ZNF385B: variants seen among roughly 807,000 people sequenced by gnomAD.
ZNF385B encodes zinc finger protein 385B.
A neutral mutation model predicts 39.2 loss-of-function variants in ZNF385B; 23 were observed. The ratio of observed to expected loss-of-function variants is 0.59; its 90% confidence interval spans 0.42 to 0.83. The LOEUF (loss-of-function observed/expected upper bound fraction) is 0.83, where lower values mean the gene tolerates loss of function less well. Ranked by LOEUF, ZNF385B falls within the 40% of genes least tolerant of loss-of-function variation. The probability of loss-of-function intolerance (pLI) is 0.00; values close to 1 mark genes in which losing one functional copy is unlikely to be tolerated. For missense variants in ZNF385B, 552 were observed against 598.9 expected, an observed-to-expected ratio of 0.92 and a Z score of 0.82; for synonymous variants, 205 against 222.6, an observed-to-expected ratio of 0.92 and a Z score of 0.70.
intron 3 of ZNF385B, among the ~76,000 whole-genome samples, chr2:179,743,958 T>C (rs550444566): frequency 5.3e-5 from 8 of 152,250 alleles, no homozygotes; most frequent in Admixed American, 2.6e-4. Flanking sequence ...AAATCGCTTA[T>C]ATCAAATATA....
At chr2:179,576,809 C>T (rs1419305601) in intron 3 of ZNF385B, among the ~76,000 whole-genome samples, 1 of 152,186 alleles carries the variant, frequency 6.6e-6, no homozygotes, top group Non-Finnish European at 1.5e-5. Context: ...GATCTCAGCT[C>T]TAAGCCATAT....
intron 6 of ZNF385B, among the ~76,000 whole-genome samples, chr2:179,482,943 T>G (rs1386932081): frequency 1.3e-5 from 2 of 151,788 alleles, no homozygotes; most frequent in African/African-American, 4.8e-5. Context: ...AGTAATAAGC[T>G]CAGTATTTTA....
intron 6 of ZNF385B, among the ~76,000 whole-genome samples, chr2:179,448,165 T>C (rs929547531): frequency 6.6e-6 from 1 of 152,052 alleles, no homozygotes; most frequent in Non-Finnish European, 1.5e-5. Flanking sequence ...ACAAAAAATA[T>C]GATGGAAAAG....
chr2:179,685,406 T>C (rs115829664), intron 3 of ZNF385B, among the ~76,000 whole-genome samples: 6,278 of 152,302 alleles, frequency 0.041, 179 homozygotes, highest in Middle Eastern at 0.058. Flanking sequence ...ACTGATTCCA[T>C]AGTTAACAAT....
intron 5 of ZNF385B, among the ~76,000 whole-genome samples, chr2:179,508,116 T>G (rs1430302597): frequency 1.3e-5 from 2 of 152,228 alleles, no homozygotes. Flanking sequence ...GCTTCACTTT[T>G]GTTTTTGTCT....
rs547580544 is a variant in ZNF385B at position 179,807,760 on chromosome 2, T to C, written c.-154-37088A>G. On this transcript the variant is annotated intron_variant, in intron 1 of 9. Coordinates refer to ENST00000410066, the MANE Select transcript of ZNF385B (RefSeq NM_152520.6). ...AATACAAAAAATTAGCTGGGCGTGG[T>C]GGCAGGCGCCTGTAGTCCCAGCTAC... 2.0e-4 allele frequency among the ~76,000 whole-genome samples: 31 copies of C among 151,604 alleles called. No individual in the cohort carries two copies. In the East Asian group the frequency reaches 5.6e-3, roughly 28 times the overall value.
At chr2:179,839,602 A>G (rs115900544) in intron 1 of ZNF385B, among the ~76,000 whole-genome samples, 1,646 of 152,286 alleles carry the variant, frequency 0.011, 32 homozygotes, top group African/African-American at 0.038. Context: ...GGCCACCTAT[A>G]TAAGTTAGGG....
At chr2:179,699,520 C>A (rs1176627732) in intron 3 of ZNF385B, among the ~76,000 whole-genome samples, 1 of 152,308 alleles carries the variant, frequency 6.6e-6, no homozygotes, top group Non-Finnish European at 1.5e-5. Flanking sequence ...TTTCACTACA[C>A]AATTATTAAA....
chr2:179,727,517 C>A (rs1290587786), intron 3 of ZNF385B, among the ~76,000 whole-genome samples: 1 of 152,040 alleles, frequency 6.6e-6, no homozygotes, highest in Non-Finnish European at 1.5e-5. Context: ...AAGGAGTAAT[C>A]ATGGGAAACA....
chr2:179,592,974 CT>C (rs71872758), intron 3 of ZNF385B, among the ~76,000 whole-genome samples: 1,765 of 152,172 alleles, frequency 0.012, 40 homozygotes, highest in African/African-American at 0.039. Flanking sequence ...AAAACCTAAA[CT>C]TTTGCAGTGA....
chr2:179,483,841 A>C (rs2054275309), intron 5 of ZNF385B, among the ~76,000 whole-genome samples: 1 of 152,040 alleles, frequency 6.6e-6, no homozygotes, highest in Admixed American at 6.6e-5. Flanking sequence ...CCTTCAACTA[A>C]AATCCTGTTT....
chr2:179,518,620 C>A lies in ZNF385B; in HGVS notation c.460G>T (p.Ala154Ser). 1 of 1,596,360 alleles carries A rather than the reference C, an allele frequency of 6.3e-7. No individual in the cohort carries two copies. The highest frequency in any genetic ancestry group is 8.5e-7 in the Non-Finnish European group (1 of 1,173,946). Residue 154 changes from alanine to serine, a missense_variant, in exon 5 of 10, where the codon GCG becomes TCG. Coordinates refer to ENST00000410066, the MANE Select transcript of ZNF385B (RefSeq NM_152520.6). ...NFNTMDPVQK[A>S]VINHTFGVSI... Reference sequence around the variant, plus strand: ...ACTCCAAATGTATGGTTAATAACCGCTTTTTGCACAGGATCCATCTGAAGA... The same window carrying A: ...ACTCCAAATGTATGGTTAATAACCGATTTTTGCACAGGATCCATCTGAAGA...
chr2:179,785,169 A>T (rs1273076608), intron 1 of ZNF385B, among the ~76,000 whole-genome samples: 1 of 152,094 alleles, frequency 6.6e-6, no homozygotes, highest in Non-Finnish European at 1.5e-5. Context: ...TGTAAAACAA[A>T]TCAATGCTCT....
intron 3 of ZNF385B, among the ~76,000 whole-genome samples, chr2:179,694,987 G>A (rs1189957331): frequency 9.3e-5 from 13 of 139,514 alleles, no homozygotes; most frequent in Admixed American, 1.4e-4. Flanking sequence ...GGAGGAGGAG[G>A]AGAAGAAAAA....
At chr2:179,550,423 CCCCCTTA>C (rs2060495061) in intron 3 of ZNF385B, among the ~76,000 whole-genome samples, 2 of 149,480 alleles carry the variant, frequency 1.3e-5, no homozygotes, top group Non-Finnish European at 3.0e-5. Flanking sequence ...GCGCAATGAT[CCCCCTTA>C]CCCAATCAAA....
At chr2:179,745,179 G>A (rs1353977553) in intron 3 of ZNF385B, among the ~76,000 whole-genome samples, 1 of 152,018 alleles carries the variant, frequency 6.6e-6, no homozygotes, top group African/African-American at 2.4e-5. Flanking sequence ...TCCAGTACAT[G>A]ACCGGTCATA....
intron 1 of ZNF385B, chr2:179,802,792 G>C (rs1706113971): frequency 6.6e-6 from 1 of 152,068 alleles, no homozygotes. Context: ...TCCCAGAGAA[G>C]GAGTGTTCTC....
At chr2:179,588,884 A>G (rs1361837210) in intron 3 of ZNF385B, among the ~76,000 whole-genome samples, 3 of 152,202 alleles carry the variant, frequency 2.0e-5, no homozygotes, top group African/African-American at 7.2e-5. Flanking sequence ...GGCAAATGTC[A>G]CAAAAAACAA....
chr2:179,479,298 T>C (rs182321227), intron 6 of ZNF385B, among the ~76,000 whole-genome samples: 72 of 152,186 alleles, frequency 4.7e-4, no homozygotes, highest in Non-Finnish European at 3.4e-4. Flanking sequence ...TTTACTGACC[T>C]GAAAGAAAAA....
Sources: allele counts gnomAD v4.1 joint callset (sites outside exome capture counted in the v4.1 genomes callset), GRCh38; gene constraint gnomAD v4.1.1; transcripts MANE v1.5; gene names NCBI Gene and HGNC (gene_info 2026-07-23, HGNC 2026-07-21).